EYA1: variants seen among roughly 807,000 people sequenced by gnomAD.
EYA1 encodes the protein EYA transcriptional coactivator and phosphatase 1, also known as protein phosphatase EYA1.
In EYA1, 16 loss-of-function variants were observed where a neutral mutation model predicts 82.0. The observed-to-expected ratio is 0.20, with a 90% CI of 0.13 to 0.30. The LOEUF is 0.30. EYA1 is among the 10% of genes least tolerant of loss of function. EYA1 has a pLI of 1.00. For synonymous variants in EYA1, 261 were observed against 264.4 expected (o/e 0.99, Z 0.12); for missense variants, 633 against 730.7 (o/e 0.87, Z 1.54).
chr8:71,349,481 C>T (rs1048059721), intron 3 of EYA1, among the ~76,000 whole-genome samples: 10 of 152,206 alleles, frequency 6.6e-5, no homozygotes, highest in African/African-American at 2.4e-4. Context: ...TTCAAGTACC[C>T]ACTCAGATGC....
intron 1 of EYA1, among the ~76,000 whole-genome samples, chr8:71,538,879 GT>G (rs1465842217): frequency 1.3e-5 from 2 of 152,158 alleles, no homozygotes; most frequent in African/African-American, 4.8e-5. Flanking sequence ...CATAAGTGTG[GT>G]GGCCATTACC....
At chr8:71,334,569 G>A (rs951051114) in intron 3 of EYA1, among the ~76,000 whole-genome samples, 2 of 152,152 alleles carry the variant, frequency 1.3e-5, no homozygotes, top group Non-Finnish European at 2.9e-5. Context: ...AAAGATGTGG[G>A]GAAGCAGGAA....
At chr8:71,470,955 G>A in intron 2 of EYA1, 1 of 437,056 alleles carries the variant, frequency 2.3e-6, no homozygotes, top group African/African-American at 2.1e-5. Flanking sequence ...AGGAAAAAGG[G>A]GAGAAAAACC....
In EYA1 at chr8:71,334,092, C is replaced by G. The variant is rs1824200263; in HGVS notation, c.202+5G>C. Reference sequence around the variant, plus strand: ...TGATGTGAAAATCTAATATTTATTCCTTACCTGAACCTGAGAAATTGTTTA... The same window carrying G: ...TGATGTGAAAATCTAATATTTATTCGTTACCTGAACCTGAGAAATTGTTTA... On this transcript the variant is annotated splice_donor_5th_base_variant and intron_variant, in intron 4 of 17. Transcript: ENST00000340726. 1 of 1,608,520 alleles carries G rather than the reference C, an allele frequency of 6.2e-7. No individual in the cohort carries two copies. Among genetic ancestry groups the G allele is most frequent in the Non-Finnish European group, 8.5e-7 (1 of 1,175,116 alleles).
At chr8:71,484,359 G>T (rs1489679952) in intron 2 of EYA1, among the ~76,000 whole-genome samples, 1 of 152,228 alleles carries the variant, frequency 6.6e-6, no homozygotes, top group African/African-American at 2.4e-5. Context: ...ATTAGTCAAT[G>T]AAAGGGAAAG....
intron 7 of EYA1, among the ~76,000 whole-genome samples, chr8:71,300,342 C>T (rs559574356): frequency 7.2e-5 from 11 of 152,090 alleles, no homozygotes; most frequent in South Asian, 2.1e-4. Flanking sequence ...GAACAGTAGG[C>T]GCTGTGTAAG....
intron 4 of EYA1, among the ~76,000 whole-genome samples, chr8:71,332,148 T>C (rs535914369): frequency 2.0e-5 from 3 of 152,190 alleles, no homozygotes; most frequent in Non-Finnish European, 2.9e-5. Context: ...CCACCATGCC[T>C]GGCCAAAACT....
chr8:71,453,207 A>G (rs1807543082), intron 2 of EYA1, among the ~76,000 whole-genome samples: 4 of 152,342 alleles, frequency 2.6e-5, no homozygotes, highest in African/African-American at 9.6e-5. Flanking sequence ...AAGTGAGAAG[A>G]GAACTTTAGA....
intron 2 of EYA1, among the ~76,000 whole-genome samples, chr8:71,393,164 A>G (rs1032127966): frequency 1.3e-5 from 2 of 152,184 alleles, no homozygotes; most frequent in African/African-American, 4.8e-5. Context: ...TCACTGTAAA[A>G]TATGCACTAA....
Position 71,199,424 on chromosome 8 carries a change from C to T in EYA1, c.1699-4G>A, listed in dbSNP as rs755495010. On this transcript the variant is annotated splice_polypyrimidine_tract_variant and splice_region_variant and intron_variant, in intron 17 of 17. Coordinates refer to ENST00000340726, the MANE Select transcript of EYA1 (RefSeq NM_000503.6). Reference sequence around the variant, plus strand: ...TCCTCCAGAAGGGCATCGCGTGCTGCAGCAGAGGCACACATACATGTGAGG... The same window carrying T: ...TCCTCCAGAAGGGCATCGCGTGCTGTAGCAGAGGCACACATACATGTGAGG... 12 of 1,610,014 alleles carry T rather than the reference C, an allele frequency of 7.5e-6. No individual in the cohort carries two copies. Among genetic ancestry groups the T allele is most frequent in the Non-Finnish European group, 8.5e-6 (10 of 1,177,666 alleles).
intron 3 of EYA1, among the ~76,000 whole-genome samples, chr8:71,340,992 A>G (rs1825062906): frequency 6.6e-6 from 1 of 152,250 alleles, no homozygotes; most frequent in African/African-American, 2.4e-5. Flanking sequence ...CCTCCAAATC[A>G]TCACTCAGTC....
intron 4 of EYA1, among the ~76,000 whole-genome samples, chr8:71,329,514 T>C (rs1386371399): frequency 6.6e-6 from 1 of 152,102 alleles, no homozygotes; most frequent in African/African-American, 2.4e-5. Flanking sequence ...CTATTCTCTG[T>C]TTCTAGGCAG....
At chr8:71,261,263 C>T (rs1170500997) in intron 11 of EYA1, among the ~76,000 whole-genome samples, 1 of 152,094 alleles carries the variant, frequency 6.6e-6, no homozygotes, top group African/African-American at 2.4e-5. Flanking sequence ...TGTGTTTTCT[C>T]CTGTCTAAAG....
chr8:71,472,353 G>A (rs1328807826), intron 2 of EYA1, among the ~76,000 whole-genome samples: 1 of 152,050 alleles, frequency 6.6e-6, no homozygotes, highest in Non-Finnish European at 1.5e-5. Flanking sequence ...TGATGGTGAT[G>A]TCCAACAGAT....
intron 2 of EYA1, among the ~76,000 whole-genome samples, chr8:71,435,884 G>A (rs1370723407): frequency 1.3e-5 from 2 of 152,050 alleles, no homozygotes; most frequent in African/African-American, 4.8e-5. Context: ...TTTTGGTAAT[G>A]TTTCTCCACT....
chr8:71,284,750 G>A (rs1241196321), intron 9 of EYA1, among the ~76,000 whole-genome samples: 2 of 152,256 alleles, frequency 1.3e-5, no homozygotes, highest in South Asian at 4.2e-4. Context: ...AGGATATCCT[G>A]TCATTGAGCC....
At chr8:71,543,297 T>C (rs1198063383) in intron 1 of EYA1, among the ~76,000 whole-genome samples, 3 of 152,006 alleles carry the variant, frequency 2.0e-5, no homozygotes, top group Non-Finnish European at 4.4e-5. Context: ...GGAGCAGAGG[T>C]TGGGGGGTGA....
intron 2 of EYA1, among the ~76,000 whole-genome samples, chr8:71,407,286 G>A (rs1830306964): frequency 7.5e-6 from 1 of 134,006 alleles, no homozygotes; most frequent in African/African-American, 2.8e-5. Context: ...AAACAGAACA[G>A]AAAAACTGGA....
chr8:71,270,620 C>T (rs1816408160), intron 10 of EYA1, among the ~76,000 whole-genome samples: 1 of 152,164 alleles, frequency 6.6e-6, no homozygotes, highest in African/African-American at 2.4e-5. Context: ...ATCATGTTTT[C>T]CAACCATCAG....
Sources: allele counts gnomAD v4.1 joint callset (sites outside exome capture counted in the v4.1 genomes callset), GRCh38; gene constraint gnomAD v4.1.1; transcripts MANE v1.5; gene names NCBI Gene and HGNC (gene_info 2026-07-23, HGNC 2026-07-21).